The following RAD51B variants were observed in gnomAD, a reference collection of about 807,000 sequenced individuals.
RAD51B encodes the protein DNA repair protein RAD51 homolog 2.
RAD51B carries 38 observed loss-of-function variants against 42.2 expected under a neutral mutation model. The observed-to-expected ratio is 0.90, with a 90% CI of 0.70 to 1.18. The LOEUF is 1.18. RAD51B is among the 50% of genes most tolerant of loss of function. The pLI, the probability that RAD51B is intolerant of heterozygous loss-of-function variation, is 0.00. For synonymous variants in RAD51B, 154 were observed against 145.2 expected (o/e 1.06, Z -0.43); for missense variants, 373 against 400.7 (o/e 0.93, Z 0.59).
intron 7 of RAD51B, among the ~76,000 whole-genome samples, chr14:68,061,853 T>C (rs1035637224): frequency 2.6e-5 from 4 of 152,224 alleles, no homozygotes; most frequent in Non-Finnish European, 4.4e-5. Context: ...CAGGGACAAT[T>C]TGACTTTCTC....
rs2080157702 is a variant in RAD51B at position 68,231,907 on chromosome 14, G to T, written c.757-59977G>T. On this transcript the variant is annotated intron_variant, in intron 7 of 10. Coordinates refer to ENST00000471583, the MANE Select transcript of RAD51B (RefSeq NM_133510.4). ...GAACTTATTATTGATAGTAGACACA[G>T]GAATGTAATATAAATGCAGTGATGG... is the stretch of plus-strand genomic sequence containing the variant. Among the ~76,000 whole-genome samples, 6 of 152,210 alleles carry T rather than the reference G, an allele frequency of 3.9e-5. No homozygotes were observed. In the South Asian group the frequency reaches 1.2e-3, roughly 32 times the overall value.
intron 7 of RAD51B, among the ~76,000 whole-genome samples, chr14:68,038,465 G>A (rs1433583861): frequency 6.6e-6 from 1 of 151,190 alleles, no homozygotes; most frequent in East Asian, 1.9e-4. Flanking sequence ...ATGCAGTGGT[G>A]CTTTTATTAT....
chr14:68,482,147 TTAA>T (rs1383782341), downstream of RAD51B, among the ~76,000 whole-genome samples: 1 of 140,186 alleles, frequency 7.1e-6, no homozygotes, highest in Non-Finnish European at 1.6e-5. Context: ...CTGAAAGTAA[TTAA>T]TGATGCAATT....
At chr14:68,473,940 A>G (rs1048973216) in intron 10 of RAD51B, among the ~76,000 whole-genome samples, 1 of 152,186 alleles carries the variant, frequency 6.6e-6, no homozygotes, top group Admixed American at 6.5e-5. Flanking sequence ...TAAATGATTT[A>G]TTGTACACGA....
At chr14:68,289,090 A>G (rs1340524741) in intron 7 of RAD51B, among the ~76,000 whole-genome samples, 1 of 152,238 alleles carries the variant, frequency 6.6e-6, no homozygotes, top group Non-Finnish European at 1.5e-5. Context: ...ATCAGGTACC[A>G]AAGTATATCC....
At position 68,320,680 on chromosome 14, in the gene RAD51B, C is replaced by G. The variant is rs148995508; in HGVS notation, c.853+28700C>G. On this transcript the variant is annotated intron_variant, in intron 8 of 10. Transcript: ENST00000471583. ...ACACATATTCCTTCTGGCTCACTCC[C>G]TCTATAAAATGATTTGTCAGCATTT... is the stretch of plus-strand genomic sequence containing the variant. Among the ~76,000 whole-genome samples the G allele has an allele frequency of 3.8e-3, 580 of 152,348 alleles. 15 individuals carry two copies. Among genetic ancestry groups the G allele is most frequent in the Admixed American group, 0.033 (504 of 15,306 alleles).
At chr14:68,377,633 T>A (rs2083397485) in intron 8 of RAD51B, among the ~76,000 whole-genome samples, 1 of 152,224 alleles carries the variant, frequency 6.6e-6, no homozygotes, top group African/African-American at 2.4e-5. Flanking sequence ...GTCTCTGGTG[T>A]AGGACAATAC....
chr14:68,388,721 C>A (rs2083666018), intron 8 of RAD51B, among the ~76,000 whole-genome samples: 1 of 152,182 alleles, frequency 6.6e-6, no homozygotes, highest in African/African-American at 2.4e-5. Flanking sequence ...CCTCACAGAG[C>A]TTCCTTTCTA....
At chr14:67,866,295 GACT>G (rs2042334854) in intron 5 of RAD51B, among the ~76,000 whole-genome samples, 1 of 152,162 alleles carries the variant, frequency 6.6e-6, no homozygotes. Flanking sequence ...TAAACATTGA[GACT>G]ACTGGAAATT....
chr14:68,439,389 C>T (rs1261908416), intron 9 of RAD51B, among the ~76,000 whole-genome samples: 1 of 152,174 alleles, frequency 6.6e-6, no homozygotes, highest in Non-Finnish European at 1.5e-5. Flanking sequence ...TGGGTTGACT[C>T]ATTGTCCCCT....
chr14:68,173,624 C>T (rs2140863692), intron 7 of RAD51B, among the ~76,000 whole-genome samples: 1 of 152,274 alleles, frequency 6.6e-6, no homozygotes, highest in African/African-American at 2.4e-5. Context: ...GGTCCTGGTT[C>T]ATAGACTGTC....
intron 7 of RAD51B, among the ~76,000 whole-genome samples, chr14:68,073,943 A>G (rs1184657187): frequency 6.6e-6 from 1 of 152,042 alleles, no homozygotes; most frequent in Non-Finnish European, 1.5e-5. Context: ...CCTTCTCTCT[A>G]GGTGCCTTTA....
At chr14:67,865,173 CT>C in intron 5 of RAD51B, 34 bp downstream of exon 5, 1 of 1,545,850 alleles carries the variant, frequency 6.5e-7, no homozygotes, top group Non-Finnish European at 8.8e-7. Context: ...TAATGTTTTA[CT>C]TTTGTAACTT....
chr14:68,168,156 T>C (rs2078791313), intron 7 of RAD51B, among the ~76,000 whole-genome samples: 1 of 152,130 alleles, frequency 6.6e-6, no homozygotes, highest in Non-Finnish European at 1.5e-5. Flanking sequence ...GATACTCAGA[T>C]AGGAAGAGGC....
chr14:67,941,724 A>ACCT (rs2045217267), intron 7 of RAD51B, among the ~76,000 whole-genome samples: 1 of 152,166 alleles, frequency 6.6e-6, no homozygotes, highest in Non-Finnish European at 1.5e-5. Context: ...ATAGCACAGT[A>ACCT]CCTCCTCCTT....
intron 7 of RAD51B, among the ~76,000 whole-genome samples, chr14:67,950,774 C>G (rs1481823751): frequency 6.6e-6 from 1 of 152,044 alleles, no homozygotes; most frequent in Non-Finnish European, 1.5e-5. Context: ...CTTTCTTGAA[C>G]ATTTAGGGGC....
chr14:68,302,068 G>T (rs1486183289), intron 8 of RAD51B, among the ~76,000 whole-genome samples: 1 of 152,256 alleles, frequency 6.6e-6, no homozygotes, highest in East Asian at 1.9e-4. Flanking sequence ...GGAAAGAACA[G>T]AAGTGGAACA....
At chr14:67,975,507 A>G (rs115166367) in intron 7 of RAD51B, among the ~76,000 whole-genome samples, 73 of 152,398 alleles carry the variant, frequency 4.8e-4, no homozygotes, top group African/African-American at 1.7e-3. Flanking sequence ...TAGACCTGTT[A>G]AAAGACAATC....
At chr14:67,852,648 A>C (rs1335413477) in intron 4 of RAD51B, among the ~76,000 whole-genome samples, 1 of 152,228 alleles carries the variant, frequency 6.6e-6, no homozygotes, top group Non-Finnish European at 1.5e-5. Flanking sequence ...AGTCACAGAC[A>C]AACCTGATAC....
Sources: gnomAD v4.1 joint callset for allele counts (sites outside exome capture counted in the v4.1 genomes callset) on GRCh38, gnomAD v4.1.1 for gene constraint, MANE v1.5 for transcripts, NCBI Gene and HGNC (gene_info 2026-07-23, HGNC 2026-07-21) for gene names.